The following DIP2C variants were observed in gnomAD, a reference collection of about 807,000 sequenced individuals.
The protein encoded by DIP2C is DIP2 acetate--CoA ligase C (putative), also known as disco-interacting protein 2 homolog C.
DIP2C carries 33 observed loss-of-function variants against 192.4 expected under a neutral mutation model. The ratio of observed to expected loss-of-function variants is 0.17; its 90% CI spans 0.13 to 0.23. The LOEUF is 0.23. Among genes scored for constraint, DIP2C ranks in the 10% least tolerant of loss-of-function variants. The pLI is 1.00. For synonymous variants in DIP2C, 979 were observed against 864.1 expected (o/e 1.13, Z -2.33); for missense variants, 1,537 against 2,110.1 (o/e 0.73, Z 5.32).
At chr10:357,358 C>A (rs1959131359) in intron 23 of DIP2C, among the ~76,000 whole-genome samples, 1 of 152,140 alleles carries the variant, frequency 6.6e-6, no homozygotes, top group African/African-American at 2.4e-5. Context: ...GGACAGAAGC[C>A]TTGCTGCAAG....
intron 1 of DIP2C, among the ~76,000 whole-genome samples, chr10:685,820 G>A (rs1424908177): frequency 1.3e-5 from 2 of 152,080 alleles, no homozygotes; most frequent in Non-Finnish European, 2.9e-5. Context: ...AATTAGCCAG[G>A]TATTGTGGCG....
In DIP2C at chr10:514,548, C is replaced by T. The variant is rs544714008; in HGVS notation, c.86-28018G>A. On this transcript the variant is annotated intron_variant, in intron 1 of 36. Coordinates refer to ENST00000280886, the MANE Select transcript of DIP2C (RefSeq NM_014974.3). ...CTGTGGGCCTCACCGCATGGCCGTC[C>T]GTGTCCCCCTGCAGACCAGACCTCA... Among the ~76,000 whole-genome samples, 177 of 152,312 alleles carry T rather than the reference C, an allele frequency of 1.2e-3. 1 individual carries two copies. Among genetic ancestry groups the T allele is most frequent in the African/African-American group, 3.9e-3 (163 of 41,550 alleles).
At chr10:551,074 T>A (rs1848560311) in intron 1 of DIP2C, among the ~76,000 whole-genome samples, 1 of 151,914 alleles carries the variant, frequency 6.6e-6, no homozygotes, top group African/African-American at 2.4e-5. Flanking sequence ...ATGCAAACCA[T>A]GCACACGGCT....
rs1554847955 is a variant in DIP2C at position 414,739 on chromosome 10, G to GTATATA, written c.860-630_860-629insTATATA. The stretch of plus-strand genomic sequence containing the variant: ...TGTGTGTGTGTGTGTGTGTGTGTGT[G>GTATATA]TACATATATATATATATAATGTGTA... On this transcript the variant is annotated intron_variant, in intron 7 of 36. Transcript: ENST00000280886. Among the ~76,000 whole-genome samples the GTATATA allele has an allele frequency of 3.0e-3, 273 of 90,508 alleles. 15 individuals carry two copies. The highest frequency in any genetic ancestry group is 0.01 in the African/African-American group (226 of 22,226). 59.4% of individuals were successfully genotyped at this position (90,508 alleles called of 152,430 possible).
chr10:409,355 G>T (rs1161329843), intron 8 of DIP2C, among the ~76,000 whole-genome samples: 1 of 152,098 alleles, frequency 6.6e-6, no homozygotes, highest in Non-Finnish European at 1.5e-5. Flanking sequence ...TCACAGGGCT[G>T]GGATCTGCCC....
intron 28 of DIP2C, among the ~76,000 whole-genome samples, chr10:344,107 G>T (rs1412119290): frequency 6.6e-6 from 1 of 152,210 alleles, no homozygotes; most frequent in African/African-American, 2.4e-5. Context: ...CCATGAAACG[G>T]TATGACTGGA....
At chr10:575,398 C>G (rs12245224) in intron 1 of DIP2C, among the ~76,000 whole-genome samples, 2 of 152,062 alleles carry the variant, frequency 1.3e-5, no homozygotes, top group Non-Finnish European at 2.9e-5. Context: ...CTGCCATACA[C>G]GAGGGGAGCA....
chr10:585,477 G>A (rs1293035689), intron 1 of DIP2C, among the ~76,000 whole-genome samples: 6 of 152,314 alleles, frequency 3.9e-5, no homozygotes, highest in South Asian at 2.1e-4. Context: ...CTATAAAACC[G>A]GGAAATCCGT....
intron 28 of DIP2C, 86 bp from the exon 29 acceptor site, chr10:341,415 C>G: frequency 6.4e-7 from 1 of 1,561,066 alleles, no homozygotes; most frequent in South Asian, 1.1e-5. Flanking sequence ...GAACGCAAGG[C>G]TGTGTTGAAC....
intron 1 of DIP2C, among the ~76,000 whole-genome samples, chr10:672,045 GGCCACAGACACACAGACGGAGGAAAC>G (rs1286217324): frequency 3.0e-5 from 4 of 131,760 alleles, no homozygotes; most frequent in South Asian, 2.6e-4. Flanking sequence ...GGAGGAAACA[GGCCACAGACACACAGACGGAGGAAAC>G]GCCACAGACG....
rs1855868882 is a variant in DIP2C at position 651,147 on chromosome 10, CAG to C, written c.85+38345_85+38346del. The C allele has an allele frequency of 2.8e-6, 2 of 717,552 alleles. No homozygotes were observed. Among genetic ancestry groups the C allele is most frequent in the Non-Finnish European group, 5.2e-6 (2 of 385,122 alleles). 44.4% of individuals were successfully genotyped at this position (717,552 alleles called of 1,614,324 possible). On this transcript the variant is annotated intron_variant, in intron 1 of 36. Coordinates refer to ENST00000280886, the MANE Select transcript of DIP2C (RefSeq NM_014974.3). This position sits in a 1 kb window ranked among gnomAD's most constrained non-coding sequence, Gnocchi z 4.1. Reference sequence around the variant, plus strand: ...CTCAGTCAATGTCCACTGGGGGCCTCAGGGGCACCTCCACCTGCCCAGGTCTG... The same window carrying C: ...CTCAGTCAATGTCCACTGGGGGCCTCGGGCACCTCCACCTGCCCAGGTCTG...
rs111609053 is a variant in DIP2C, at chr10:533,379, C to A, written c.86-46849G>T. Among the ~76,000 whole-genome samples the A allele has an allele frequency of 5.7e-4, 87 of 152,290 alleles. 1 individual carries two copies. The highest frequency in any genetic ancestry group is 1.9e-3 in the African/African-American group (77 of 41,566). ...GGTGCTCAGGGGGACACAGCTTTCT[C>A]AAGGCCGCACAGCCCGGGCACCATA... On this transcript the variant is annotated intron_variant, in intron 1 of 36. Coordinates refer to ENST00000280886, the MANE Select transcript of DIP2C (RefSeq NM_014974.3).
chr10:299,371 G>A (rs1360886525), intron 32 of DIP2C, among the ~76,000 whole-genome samples: 1 of 152,194 alleles, frequency 6.6e-6, no homozygotes, highest in Non-Finnish European at 1.5e-5. Context: ...CTAGCATCAG[G>A]CTTAATATTT....
At chr10:643,916 A>G (rs1251980579) in intron 1 of DIP2C, among the ~76,000 whole-genome samples, 3 of 152,264 alleles carry the variant, frequency 2.0e-5, no homozygotes, top group Non-Finnish European at 4.4e-5. Flanking sequence ...GAAAAAGTGT[A>G]TGGAAGAGGT....
rs1314333312 is a variant in DIP2C at position 276,580 on chromosome 10, AAAAT to A, written c.*741_*744del. ...TCTCTTTTATAGTTCTAAAGAGATC[AAAAT>A]AAATTAAACGTTTTGTACATAATTA... On this transcript the variant is annotated 3_prime_UTR_variant, in exon 37 of 37. Transcript: ENST00000280886. The A allele has an allele frequency of 6.5e-6, 1 of 152,682 alleles. No individual in the cohort carries two copies. The highest frequency in any genetic ancestry group is 6.5e-5 in the Admixed American group (1 of 15,284). 9.5% of individuals were successfully genotyped at this position (152,682 alleles called of 1,614,324 possible).
intron 8 of DIP2C, 150 bp downstream of exon 8, chr10:413,763 G>A (rs1192696928): frequency 5.3e-6 from 5 of 935,078 alleles, no homozygotes; most frequent in Admixed American, 5.8e-5. Flanking sequence ...CGTGCGTTCG[G>A]GAGTGGCTGC....
chr10:279,439 A>ATC (rs1954696947), intron 36 of DIP2C, among the ~76,000 whole-genome samples: 1 of 152,146 alleles, frequency 6.6e-6, no homozygotes, highest in Non-Finnish European at 1.5e-5. Context: ...TTGCTCCACT[A>ATC]TCTCCTCTGC....
intron 29 of DIP2C, among the ~76,000 whole-genome samples, chr10:335,962 G>C (rs1380528416): frequency 2.6e-5 from 4 of 152,144 alleles, no homozygotes; most frequent in Non-Finnish European, 5.9e-5. Context: ...GCAGTGGCGT[G>C]ATCTCAGCTT....
chr10:657,502 T>A (rs1462560997), intron 1 of DIP2C, among the ~76,000 whole-genome samples: 5 of 11,306 alleles, frequency 4.4e-4, no homozygotes, highest in East Asian at 2.6e-3. Flanking sequence ...GCTGGACCTG[T>A]CCCTGGACCT....
Sources: gnomAD v4.1 joint callset for allele counts (sites outside exome capture counted in the v4.1 genomes callset) on GRCh38, gnomAD v4.1.1 for gene constraint, Gnocchi (gnomAD v3.1) non-coding constraint, MANE v1.5 for transcripts, NCBI Gene and HGNC (gene_info 2026-07-23, HGNC 2026-07-21) for gene names.